The following GRIK4 variants were observed in gnomAD, a reference collection of about 807,000 sequenced individuals.
The protein encoded by GRIK4 is glutamate ionotropic receptor kainate type subunit 4.
A neutral mutation model predicts 104.9 loss-of-function variants in GRIK4; 40 were observed. The ratio of observed to expected loss-of-function variants is 0.38; its 90% CI spans 0.30 to 0.50. GRIK4 has a LOEUF of 0.50. Ranked by LOEUF, GRIK4 falls within the 20% of genes least tolerant of loss-of-function variation. The probability of loss-of-function intolerance (pLI) is 0.93; values close to 1 mark genes in which losing one functional copy is unlikely to be tolerated. For missense variants in GRIK4, 1,047 were observed against 1,308.1 expected (o/e 0.80, Z 3.08); for synonymous variants, 485 against 524.9 (o/e 0.92, Z 1.04).
chr11:120,815,795 G>T (rs1019141395), intron 5 of GRIK4, among the ~76,000 whole-genome samples: 2 of 152,296 alleles, frequency 1.3e-5, no homozygotes, highest in Admixed American at 1.3e-4. Context: ...GATGGGCATG[G>T]CAGGCCAAGC....
intron 8 of GRIK4, among the ~76,000 whole-genome samples, chr11:120,843,274 G>A (rs534185617): frequency 1.1e-4 from 16 of 152,368 alleles, no homozygotes; most frequent in African/African-American, 3.4e-4. Context: ...CGGCACCGCC[G>A]CTGTGCTGGA....
chr11:120,724,216 G>A (rs535393477), intron 3 of GRIK4, among the ~76,000 whole-genome samples: 13 of 152,208 alleles, frequency 8.5e-5, no homozygotes, highest in South Asian at 6.2e-4. Flanking sequence ...TGGCATGATC[G>A]TAGCTCACTG....
At chr11:120,569,815 G>A (rs1948374847) in intron 1 of GRIK4, among the ~76,000 whole-genome samples, 1 of 152,122 alleles carries the variant, frequency 6.6e-6, no homozygotes, top group Non-Finnish European at 1.5e-5. Flanking sequence ...TGGGGAGCTA[G>A]GTAGGGTAAA....
chr11:120,709,439 T>C (rs61901381), intron 3 of GRIK4, among the ~76,000 whole-genome samples: 6,294 of 152,258 alleles, frequency 0.041, 176 homozygotes, highest in South Asian at 0.078. Flanking sequence ...TTCTGTCATC[T>C]GAAAATAGGG....
chr11:120,734,337 C>T (rs906487493), intron 3 of GRIK4, among the ~76,000 whole-genome samples: 1 of 151,682 alleles, frequency 6.6e-6, no homozygotes, highest in Non-Finnish European at 1.5e-5. Flanking sequence ...AGTTTTTTTC[C>T]TTCAGTACTT....
intron 6 of GRIK4, among the ~76,000 whole-genome samples, chr11:120,831,528 C>T (rs566921276): frequency 1.1e-3 from 169 of 152,294 alleles, no homozygotes; most frequent in Non-Finnish European, 1.9e-3. Flanking sequence ...GCATCCTATC[C>T]GGCTTTCGAG....
chr11:120,579,342 G>A (rs1948534462), intron 1 of GRIK4, among the ~76,000 whole-genome samples: 1 of 151,930 alleles, frequency 6.6e-6, no homozygotes, highest in African/African-American at 2.4e-5. Context: ...GAAGGAGCCA[G>A]CCACACAGAG....
chr11:120,715,904 C>T (rs1040713986), intron 3 of GRIK4, among the ~76,000 whole-genome samples: 2 of 151,894 alleles, frequency 1.3e-5, no homozygotes. Flanking sequence ...CTTCCTGAGC[C>T]CCTTCTTGGT....
chr11:120,526,371 A>G (rs1295965789), intron 1 of GRIK4, among the ~76,000 whole-genome samples: 3 of 151,834 alleles, frequency 2.0e-5, no homozygotes, highest in Admixed American at 1.3e-4. Context: ...CTAATTTTTT[A>G]TATTTTTTCT....
At chr11:120,954,087 C>T (rs1271625751) in intron 15 of GRIK4, among the ~76,000 whole-genome samples, 1 of 152,024 alleles carries the variant, frequency 6.6e-6, no homozygotes, top group Non-Finnish European at 1.5e-5. Flanking sequence ...TTGATGGGGG[C>T]ACTTGGGGAT....
chr11:120,548,714 AC>A (rs753504013), intron 1 of GRIK4, among the ~76,000 whole-genome samples: 17 of 151,966 alleles, frequency 1.1e-4, no homozygotes, highest in Non-Finnish European at 8.8e-5. Flanking sequence ...CAGAGCAAAC[AC>A]CCCAGAGCAG....
rs537232125 is a variant in GRIK4 at position 120,660,736 on chromosome 11, G to A, written c.82+336G>A. 1.6e-4 allele frequency among the ~76,000 whole-genome samples: 24 copies of A among 152,348 alleles called. No homozygotes were observed. In the East Asian group the frequency reaches 4.0e-3, roughly 26 times the overall value. On this transcript the variant is annotated intron_variant, in intron 3 of 20. Transcript: ENST00000527524. ...CCATGGGGACTCCAAATCTAGGGCTGGAGATGGGAGAAGAGGTCCCTTCTT... is the reference window on the plus strand; with the variant it reads ...CCATGGGGACTCCAAATCTAGGGCTAGAGATGGGAGAAGAGGTCCCTTCTT...
intron 1 of GRIK4, among the ~76,000 whole-genome samples, chr11:120,602,266 T>C (rs962594488): frequency 6.6e-6 from 1 of 152,200 alleles, no homozygotes; most frequent in Non-Finnish European, 1.5e-5. Context: ...AAACATCTTT[T>C]TGCTATTCTC....
At chr11:120,721,416 G>A (rs2135376126) in intron 3 of GRIK4, among the ~76,000 whole-genome samples, 1 of 152,312 alleles carries the variant, frequency 6.6e-6, no homozygotes, top group Non-Finnish European at 1.5e-5. Context: ...AGGCCAGCAG[G>A]TCAGGAGACA....
intron 20 of GRIK4, 80 bp from the exon 21 acceptor site, chr11:120,985,824 A>G: frequency 7.7e-7 from 1 of 1,301,904 alleles, no homozygotes; most frequent in Non-Finnish European, 1.1e-6. Flanking sequence ...TGCCCCCTTC[A>G]TCCCTCATCC....
intron 11 of GRIK4, 53 bp downstream of exon 11, chr11:120,875,296 A>G (rs1954752900): frequency 1.8e-6 from 2 of 1,124,206 alleles, no homozygotes; most frequent in East Asian, 2.4e-5. Flanking sequence ...GTTCCATTTC[A>G]TTGATGCCTC....
intron 1 of GRIK4, among the ~76,000 whole-genome samples, chr11:120,523,177 C>G (rs1947815686): frequency 6.7e-6 from 1 of 149,268 alleles, no homozygotes; most frequent in Admixed American, 6.8e-5. Context: ...GGAAGCTCAC[C>G]AGTTTATTTG....
intron 3 of GRIK4, among the ~76,000 whole-genome samples, chr11:120,784,064 A>G (rs904214692): frequency 5.9e-5 from 9 of 152,210 alleles, no homozygotes; most frequent in East Asian, 3.9e-4. Flanking sequence ...ACTCCCCAGC[A>G]TGTAGAACAG....
In GRIK4 at chr11:120,831,946, G is replaced by A. The variant is rs1303742407; in HGVS notation, c.606G>A (p.Pro202=). 6.2e-6 allele frequency: 10 copies of A among 1,613,660 alleles called. No individual in the cohort carries two copies. Among genetic ancestry groups the A allele is most frequent in the African/African-American group, 2.7e-5 (2 of 74,844 alleles). ...TGGATGACACCCGGGACCCCACCCC[G>A]CTCCTCAAGGAGATCCGGGACGACA... ...RMLDDTRDPT[P]LLKEIRDDKT... Residue 202 remains proline (P), a synonymous_variant, in exon 7 of 21, where the codon CCG becomes CCA. Coordinates refer to ENST00000527524, the MANE Select transcript of GRIK4 (RefSeq NM_014619.5).
Sources: gnomAD v4.1 joint callset for allele counts (sites outside exome capture counted in the v4.1 genomes callset) on GRCh38, gnomAD v4.1.1 for gene constraint, MANE v1.5 for transcripts, NCBI Gene and HGNC (gene_info 2026-07-23, HGNC 2026-07-21) for gene names.